The following NEO1 variants were observed in gnomAD, a reference collection of about 807,000 sequenced individuals.
NEO1 encodes the protein neogenin 1, also known as neogenin.
In NEO1, 63 loss-of-function variants were observed where a neutral mutation model predicts 159.7. The observed-to-expected ratio is 0.39, with a 90% CI of 0.32 to 0.49. The LOEUF (loss-of-function observed/expected upper bound fraction) is 0.49. Ranked by LOEUF, NEO1 falls within the 20% of genes least tolerant of loss-of-function variation. NEO1 has a pLI of 0.85. For missense variants in NEO1, 1,615 were observed against 1,831.0 expected (o/e 0.88, Z 2.15); for synonymous variants, 633 against 662.0 (o/e 0.96, Z 0.67).
intron 22 of NEO1, among the ~76,000 whole-genome samples, chr15:73,280,285 CAA>C (rs763744936): frequency 2.5e-5 from 3 of 122,110 alleles, no homozygotes; most frequent in Admixed American, 8.3e-5. Flanking sequence ...GGTTCCGTCT[CAA>C]AAAAAAAAAA....
chr15:73,074,892 T>C (rs1435063750), intron 1 of NEO1, among the ~76,000 whole-genome samples: 1 of 152,218 alleles, frequency 6.6e-6, no homozygotes, highest in East Asian at 1.9e-4. Flanking sequence ...ATTCAAATTA[T>C]GATCATGAGA....
chr15:73,120,529 A>G (rs1444138354), intron 2 of NEO1, among the ~76,000 whole-genome samples: 2 of 151,978 alleles, frequency 1.3e-5, no homozygotes, highest in Admixed American at 1.3e-4. Flanking sequence ...CCTTAAAGAA[A>G]CATATTGTTT....
intron 5 of NEO1, among the ~76,000 whole-genome samples, chr15:73,152,766 C>A (rs1441918070): frequency 6.6e-6 from 1 of 151,968 alleles, no homozygotes; most frequent in Non-Finnish European, 1.5e-5. Context: ...TTGGAGAATA[C>A]CCAGCTGGTG....
chr15:73,171,590 G>GGT (rs1398325080), intron 5 of NEO1, among the ~76,000 whole-genome samples: 3 of 149,244 alleles, frequency 2.0e-5, no homozygotes, highest in African/African-American at 7.4e-5. Context: ...ATACCGACTG[G>GGT]GTAATAGGTG....
chr15:73,113,791 A>G (rs1329029919), intron 1 of NEO1, among the ~76,000 whole-genome samples: 2 of 152,064 alleles, frequency 1.3e-5, no homozygotes, highest in African/African-American at 4.8e-5. Flanking sequence ...AATTGTGGTT[A>G]TTTTAAAATG....
chr15:73,085,622 C>T (rs2151413149), intron 1 of NEO1, among the ~76,000 whole-genome samples: 1 of 152,244 alleles, frequency 6.6e-6, no homozygotes, highest in African/African-American at 2.4e-5. Flanking sequence ...GATTGGCATC[C>T]TCACCAGTGT....
Position 73,253,257 on chromosome 15 carries a change from G to A in NEO1, c.1895-143G>A, listed in dbSNP as rs773276858. ...CATCCACATAGTATTGTCAACATGA[G>A]GGCATTGGCAGCTAGTTTAGATCTG... On this transcript the variant is annotated intron_variant, in intron 11 of 28. Transcript: ENST00000261908. 9.2e-4 allele frequency: 426 copies of A among 461,158 alleles called. 1 individual carries two copies. The highest frequency in any genetic ancestry group is 1.3e-3 in the Non-Finnish European group (337 of 260,996). The allele number at this position is 461,158 out of a possible 1,614,324, so 28.6% of individuals were successfully genotyped here.
intron 7 of NEO1, chr15:73,221,811 A>G: frequency 6.5e-6 from 1 of 154,100 alleles, no homozygotes; most frequent in Non-Finnish European, 1.4e-5. Context: ...GGAGTGACCC[A>G]ATTTTCCAGG....
chr15:73,168,613 T>C (rs1003681179), intron 5 of NEO1, among the ~76,000 whole-genome samples: 4 of 152,158 alleles, frequency 2.6e-5, no homozygotes, highest in African/African-American at 9.7e-5. Context: ...GAGAGAAATA[T>C]AATTTCATAG....
At chr15:73,073,718 T>C (rs1190786508) in intron 1 of NEO1, among the ~76,000 whole-genome samples, 1 of 152,148 alleles carries the variant, frequency 6.6e-6, no homozygotes, top group East Asian at 1.9e-4. Context: ...CTGTACGTGA[T>C]AAGCAGGAAA....
intron 5 of NEO1, among the ~76,000 whole-genome samples, chr15:73,136,381 A>AGTG (rs763447349): frequency 1.2e-4 from 18 of 151,726 alleles, no homozygotes; most frequent in Admixed American, 2.6e-4. Flanking sequence ...TACTATTTGT[A>AGTG]GTGGTGGTGG....
In NEO1 at chr15:73,079,802, G is replaced by T. The variant is rs147319144; in HGVS notation, c.130+26997G>T. ...GGAAGTTATTAGGAAATGAGAACTTGTGTTCTTGTTCAGTCAGATAAGCTT... is the reference window on the plus strand; with the variant it reads ...GGAAGTTATTAGGAAATGAGAACTTTTGTTCTTGTTCAGTCAGATAAGCTT... On this transcript the variant is annotated intron_variant, in intron 1 of 28. Coordinates refer to ENST00000261908, the MANE Select transcript of NEO1 (RefSeq NM_002499.4). Among the ~76,000 whole-genome samples the T allele has an allele frequency of 1.2e-3, 181 of 152,308 alleles. 1 individual carries two copies. Among genetic ancestry groups the T allele is most frequent in the African/African-American group, 4.2e-3 (175 of 41,570 alleles).
At chr15:73,271,207 A>G (rs1226817906) in intron 18 of NEO1, among the ~76,000 whole-genome samples, 3 of 152,212 alleles carry the variant, frequency 2.0e-5, no homozygotes, top group African/African-American at 7.2e-5. Context: ...AATACAGTAC[A>G]TCAAAGTTTA....
chr15:73,067,743 A>G (rs554986652), intron 1 of NEO1, among the ~76,000 whole-genome samples: 2 of 151,926 alleles, frequency 1.3e-5, no homozygotes, highest in South Asian at 4.2e-4. Context: ...CAGCCTCCCA[A>G]GTAGCTGGGA....
intron 3 of NEO1, among the ~76,000 whole-genome samples, chr15:73,125,969 T>C (rs1026049517): frequency 6.6e-6 from 1 of 152,206 alleles, no homozygotes; most frequent in Non-Finnish European, 1.5e-5. Context: ...TTTTATCTTA[T>C]CTTTCAATGT....
intron 7 of NEO1, among the ~76,000 whole-genome samples, chr15:73,226,368 A>G (rs1386290787): frequency 6.6e-6 from 1 of 152,180 alleles, no homozygotes; most frequent in Admixed American, 6.5e-5. Flanking sequence ...GGGCTCTTTT[A>G]AAGCGGCTCT....
At chr15:73,265,909 C>A (rs1244349980) in intron 15 of NEO1, among the ~76,000 whole-genome samples, 2 of 152,248 alleles carry the variant, frequency 1.3e-5, no homozygotes, top group Admixed American at 1.3e-4. Flanking sequence ...TCTCCTTCTT[C>A]TCTACCTTGT....
chr15:73,132,390 T>TA (rs1241890441), intron 4 of NEO1, among the ~76,000 whole-genome samples: 5 of 152,176 alleles, frequency 3.3e-5, no homozygotes, highest in African/African-American at 1.2e-4. Flanking sequence ...AGTGTGTCAT[T>TA]ACTCTGCTCA....
intron 4 of NEO1, 34 bp downstream of exon 4, chr15:73,126,604 C>G (rs1389932457): frequency 6.3e-7 from 1 of 1,593,440 alleles, no homozygotes; most frequent in South Asian, 1.2e-5. Context: ...CTTCTTCAGC[C>G]TTAGCTTGAG....
Sources: allele counts gnomAD v4.1 joint callset (sites outside exome capture counted in the v4.1 genomes callset), GRCh38; gene constraint gnomAD v4.1.1; transcripts MANE v1.5; gene names NCBI Gene and HGNC (gene_info 2026-07-23, HGNC 2026-07-21).